The following CNTN4 variants were observed in gnomAD, a reference collection of about 807,000 sequenced individuals.
The protein encoded by CNTN4 is contactin 4, also known as contactin-4.
A neutral mutation model predicts 122.5 loss-of-function variants in CNTN4; 77 were observed. The ratio of observed to expected loss-of-function variants is 0.63; its 90% CI spans 0.52 to 0.76. CNTN4 has a LOEUF of 0.76. Ranked by LOEUF, CNTN4 falls within the 30% of genes least tolerant of loss-of-function variation. The pLI is 0.00. For synonymous variants in CNTN4, 512 were observed against 447.0 expected, an observed-to-expected ratio of 1.15 and a Z score of -1.83; for missense variants, 1,256 against 1,259.1, an observed-to-expected ratio of 1.00 and a Z score of 0.04.
chr3:2,823,954 A>G (rs1169624031), intron 7 of CNTN4, among the ~76,000 whole-genome samples: 5 of 152,164 alleles, frequency 3.3e-5, no homozygotes, highest in Non-Finnish European at 7.4e-5. Flanking sequence ...CTTGCATTTT[A>G]ATAAGATCTC....
At position 2,287,687 on chromosome 3, in the gene CNTN4, AGAAGAG is replaced by A. The variant is rs1473244004; in HGVS notation, c.-144-51485_-144-51480del. Among the ~76,000 whole-genome samples, 904 of 91,812 alleles carry A rather than the reference AGAAGAG, an allele frequency of 9.8e-3. 11 individuals are homozygous for A. Among genetic ancestry groups the A allele is most frequent in the Middle Eastern group, 0.015 (3 of 194 alleles). 60.2% of individuals were successfully genotyped at this position (91,812 alleles called of 152,430 possible). ...AAGAAGAAGAAGAAGAAGAAGAAGA[AGAAGAG>A]GAAGAAGAAGAAGAAGAGGAAGAAG... is the stretch of plus-strand genomic sequence containing the variant. On this transcript the variant is annotated intron_variant, in intron 2 of 24. Transcript: ENST00000418658.
rs187962459 is a variant in CNTN4, at chr3:2,174,298, C to T, written c.-145+73659C>T. 2.4e-4 allele frequency among the ~76,000 whole-genome samples: 37 copies of T among 152,276 alleles called. 1 individual carries two copies. The East Asian group carries it at 6.8e-3, about 28-fold the overall frequency. On this transcript the variant is annotated intron_variant, in intron 2 of 24. Transcript: ENST00000418658. The stretch of plus-strand genomic sequence containing the variant: ...ATAAGAAAACTAAGCCATTTCTTTT[C>T]TTATAAATATGCATACATGTCTTAG...
chr3:2,186,378 C>T (rs2037267279), intron 2 of CNTN4, among the ~76,000 whole-genome samples: 1 of 152,134 alleles, frequency 6.6e-6, no homozygotes, highest in Non-Finnish European at 1.5e-5. Flanking sequence ...GTGAATAGTG[C>T]CGCAATAAAC....
intron 3 of CNTN4, among the ~76,000 whole-genome samples, chr3:2,539,433 A>G (rs114443044): frequency 0.013 from 1,934 of 152,194 alleles, 42 homozygotes; most frequent in African/African-American, 0.044. Flanking sequence ...TGTTTTGGAA[A>G]CAAATAAGAT....
intron 3 of CNTN4, among the ~76,000 whole-genome samples, chr3:2,392,642 A>T (rs1398434757): frequency 6.6e-6 from 1 of 152,208 alleles, no homozygotes; most frequent in African/African-American, 2.4e-5. Context: ...TTGCAGTGAT[A>T]AAATTTTAAG....
chr3:2,722,414 T>C (rs1231396366), intron 4 of CNTN4, among the ~76,000 whole-genome samples: 1 of 152,102 alleles, frequency 6.6e-6, no homozygotes, highest in Admixed American at 6.5e-5. Flanking sequence ...AGTTGACATG[T>C]TTCTCAAGCA....
intron 4 of CNTN4, among the ~76,000 whole-genome samples, chr3:2,591,628 T>C: frequency 6.7e-6 from 1 of 150,102 alleles, no homozygotes; most frequent in East Asian, 2.0e-4. Flanking sequence ...CCTCCCAAAG[T>C]GCTGGGATTA....
Position 2,120,405 on chromosome 3 carries a change from A to ATATT in CNTN4, c.-145+19767_-145+19768insATTT, listed in dbSNP as rs1428527983. Among the ~76,000 whole-genome samples the ATATT allele has an allele frequency of 7.8e-3, 316 of 40,580 alleles. 3 individuals are homozygous for ATATT. Among genetic ancestry groups the ATATT allele is most frequent in the Non-Finnish European group, 0.011 (255 of 23,222 alleles). The allele number at this position is 40,580 out of a possible 152,430, so 26.6% of individuals were successfully genotyped here. On this transcript the variant is annotated intron_variant, in intron 2 of 24. Coordinates refer to ENST00000418658, the MANE Select transcript of CNTN4 (RefSeq NM_175607.3). Reference sequence around the variant, plus strand: ...TATATATATATATATATATATATATATTTTTTTTTTTTTTTTTATGCAGAG... The same window carrying ATATT: ...TATATATATATATATATATATATATATATTTTTTTTTTTTTTTTTTTATGCAGAG...
intron 2 of CNTN4, among the ~76,000 whole-genome samples, chr3:2,278,345 A>T (rs1231571272): frequency 6.6e-6 from 1 of 152,226 alleles, no homozygotes; most frequent in Admixed American, 6.5e-5. Context: ...TACTTCACAC[A>T]TCCCAGTGAA....
intron 7 of CNTN4, among the ~76,000 whole-genome samples, chr3:2,851,198 T>TAAGATGTAAATTTTCATAAG: frequency 6.6e-6 from 1 of 152,358 alleles, no homozygotes; most frequent in East Asian, 1.9e-4. Context: ...TGTAAATTTT[T>TAAGATGTAAATTTTCATAAG]ATGTCATAAT....
At chr3:2,485,508 G>A (rs1476233026) in intron 3 of CNTN4, among the ~76,000 whole-genome samples, 1 of 151,956 alleles carries the variant, frequency 6.6e-6, no homozygotes, top group Non-Finnish European at 1.5e-5. Context: ...ATCTGGTGGG[G>A]ACTTGGAGAA....
intron 4 of CNTN4, among the ~76,000 whole-genome samples, chr3:2,581,626 G>T (rs906235855): frequency 6.6e-6 from 1 of 151,958 alleles, no homozygotes; most frequent in Non-Finnish European, 1.5e-5. Flanking sequence ...GTGAAGACCA[G>T]TTTTTTTTCT....
intron 4 of CNTN4, among the ~76,000 whole-genome samples, chr3:2,677,480 CTATA>C (rs760561452): frequency 2.7e-4 from 7 of 25,826 alleles, no homozygotes; most frequent in South Asian, 1.8e-3. Flanking sequence ...ATCTATCCAT[CTATA>C]TCTATCTATC....
At chr3:2,958,317 A>G (rs1261550481) in intron 13 of CNTN4, among the ~76,000 whole-genome samples, 2 of 152,170 alleles carry the variant, frequency 1.3e-5, no homozygotes, top group African/African-American at 4.8e-5. Context: ...CTAGTTTCTC[A>G]TTAGTTCTTA....
chr3:2,858,864 C>T (rs1486328682), intron 7 of CNTN4, among the ~76,000 whole-genome samples: 1 of 152,124 alleles, frequency 6.6e-6, no homozygotes, highest in African/African-American at 2.4e-5. Context: ...TTGGCTAAAT[C>T]ATGCTCATTA....
intron 2 of CNTN4, among the ~76,000 whole-genome samples, chr3:2,185,463 T>G (rs977342195): frequency 6.6e-6 from 1 of 152,146 alleles, no homozygotes; most frequent in East Asian, 1.9e-4. Context: ...GGTCTGAAAC[T>G]TAGGGGATTC....
chr3:2,634,687 AATAT>A, intron 4 of CNTN4, among the ~76,000 whole-genome samples: 1 of 133,142 alleles, frequency 7.5e-6, no homozygotes, highest in Non-Finnish European at 1.6e-5. Flanking sequence ...AAAAAAAAAA[AATAT>A]ATATATATAT....
intron 7 of CNTN4, among the ~76,000 whole-genome samples, chr3:2,863,350 T>G (rs935827570): frequency 2.6e-5 from 4 of 151,948 alleles, no homozygotes; most frequent in East Asian, 1.9e-4. Flanking sequence ...ACTTCAGGAC[T>G]CCACAGTATT....
At chr3:2,566,432 G>C (rs2079161782) in intron 3 of CNTN4, among the ~76,000 whole-genome samples, 1 of 152,210 alleles carries the variant, frequency 6.6e-6, no homozygotes, top group African/African-American at 2.4e-5. Flanking sequence ...AGAAGTGAAT[G>C]TAAGATCACG....
Sources: gnomAD v4.1 joint callset for allele counts (sites outside exome capture counted in the v4.1 genomes callset) on GRCh38, gnomAD v4.1.1 for gene constraint, MANE v1.5 for transcripts, NCBI Gene and HGNC (gene_info 2026-07-23, HGNC 2026-07-21) for gene names.